Variants in ERCC3 observed in about 807,000 individuals in gnomAD.
ERCC3 encodes ERCC excision repair 3, TFIIH core complex helicase subunit, also known as general transcription and DNA repair factor IIH helicase/translocase subunit XPB.
In ERCC3, 66 loss-of-function variants were observed where a neutral mutation model predicts 94.2. The observed-to-expected ratio is 0.70, with a 90% confidence interval of 0.57 to 0.86. The LOEUF (loss-of-function observed/expected upper bound fraction) is 0.86, where lower values mean the gene tolerates loss of function less well. Ranked by LOEUF, ERCC3 falls within the 40% of genes least tolerant of loss-of-function variation. The pLI is 0.00. For synonymous variants in ERCC3, 349 were observed against 369.1 expected (o/e 0.95, Z 0.63); for missense variants, 829 against 987.1 (o/e 0.84, Z 2.15).
chr2:127,285,774 C>T (rs1331860530), intron 8 of ERCC3, among the ~76,000 whole-genome samples: 1 of 151,796 alleles, frequency 6.6e-6, no homozygotes, highest in Non-Finnish European at 1.5e-5. Flanking sequence ...TCAGTTGAAC[C>T]CTAGAGGCGG....
chr2:127,271,511 C>G lies in ERCC3; in HGVS notation c.1828-58G>C. ...GAGGAAAAAAAAAAAGTCAACTGAT[C>G]CAGAATTTAAATAAGTTCTGTAGAT... On this transcript the variant is annotated intron_variant, in intron 11 of 14. Coordinates refer to ENST00000285398, the MANE Select transcript of ERCC3 (RefSeq NM_000122.2). This position sits in a 1 kb window ranked among gnomAD's most constrained non-coding sequence, Gnocchi z 5.0. 8.8e-7 allele frequency: 1 copy of G among 1,134,716 alleles called. No individual in the cohort carries two copies. The highest frequency in any genetic ancestry group is 1.7e-5 in the Admixed American group (1 of 58,898). The allele number at this position is 1,134,716 out of a possible 1,614,324, so 70.3% of individuals were successfully genotyped here. A position where few individuals can be genotyped will look rare whatever the true frequency, so the allele number is the denominator to read the frequency against.
At chr2:127,289,971 C>T (rs559041182) in intron 4 of ERCC3, 147 bp from the exon 5 acceptor site, 108 of 962,790 alleles carry the variant, frequency 1.1e-4, no homozygotes, top group Non-Finnish European at 1.6e-4. Flanking sequence ...AGCTGCCGGC[C>T]ATGATTTAAC....
chr2:127,292,950 C>T, intron 2 of ERCC3, 104 bp from the exon 3 acceptor site: 1 of 762,610 alleles, frequency 1.3e-6, no homozygotes, highest in South Asian at 1.4e-5. Flanking sequence ...TGCCCAACAC[C>T]ACAGATATTC....
In ERCC3 at chr2:127,271,692, G is replaced by A. The variant is rs1235669829; in HGVS notation, c.1828-239C>T. ...GAGTCATCCTGAAGAATTAATACCA[G>A]GCATCAGTGACATTCAGTGCTGGGT... On this transcript the variant is annotated intron_variant, in intron 11 of 14. Transcript: ENST00000285398. This position sits in a 1 kb window ranked among gnomAD's most constrained non-coding sequence, Gnocchi z 5.0. 6.6e-6 allele frequency among the ~76,000 whole-genome samples: 1 copy of A among 152,160 alleles called. No individual in the cohort carries two copies. The highest frequency in any genetic ancestry group is 1.5e-5 in the Non-Finnish European group (1 of 68,042).
chr2:127,281,896 G>C (rs1401658581), intron 8 of ERCC3, among the ~76,000 whole-genome samples: 1 of 152,126 alleles, frequency 6.6e-6, no homozygotes, highest in Non-Finnish European at 1.5e-5. Flanking sequence ...AGAGGGAAAT[G>C]GTAGTCAAGG....
rs1279196992 is a variant in ERCC3, at chr2:127,289,333, T to C, written c.822+4A>G. 1 of 1,613,696 alleles carries C rather than the reference T, an allele frequency of 6.2e-7. No homozygotes were observed. Among genetic ancestry groups the C allele is most frequent in the Non-Finnish European group, 8.5e-7 (1 of 1,179,860 alleles). On this transcript the variant is annotated splice_donor_region_variant and intron_variant, in intron 6 of 14. Coordinates refer to ENST00000285398, the MANE Select transcript of ERCC3 (RefSeq NM_000122.2). ...GGAACCAGGAGGAAGGTACATTCACTAACCTGCTTGACTTCAAAAGACACT... is the reference window on the plus strand; with the variant it reads ...GGAACCAGGAGGAAGGTACATTCACCAACCTGCTTGACTTCAAAAGACACT...
At position 127,289,753 on chromosome 2, in the gene ERCC3, C is replaced by T. The variant is rs748503195; in HGVS notation, c.593G>A (p.Arg198His). 1.1e-5 allele frequency: 17 copies of T among 1,614,090 alleles called. No individual in the cohort carries two copies. Among genetic ancestry groups the T allele is most frequent in the Non-Finnish European group, 1.4e-5 (16 of 1,179,988 alleles). Residue 198 changes from arginine (R) to histidine (H), a missense_variant, in exon 5 of 15, where the codon CGC becomes CAC. Coordinates refer to ENST00000285398, the MANE Select transcript of ERCC3 (RefSeq NM_000122.2). ...GGCCTCCCCTTCAGAGTTTCTTAAG[C>T]GGCATTCTCGGATCACGGGGTCCTG... ...LLQDPVIREC[R>H]LRNSEGEATE...
At position 127,274,071 on chromosome 2, in the gene ERCC3, T is replaced by A. The variant is rs556703083; in HGVS notation, c.1731-1110A>T. 1.3e-5 allele frequency among the ~76,000 whole-genome samples: 2 copies of A among 150,890 alleles called. No homozygotes were observed. The highest frequency in any genetic ancestry group is 4.2e-4 in the South Asian group (2 of 4,748). ...GCTCACACCTGTAATCCCAGCACTT[T>A]GGGAGGCGGAGGTGGGTGGATCACC... On this transcript the variant is annotated intron_variant, in intron 10 of 14. Transcript: ENST00000285398. The surrounding 1 kb of genome is among the most constrained non-coding windows in gnomAD (Gnocchi z 4.0).
At position 127,288,972 on chromosome 2, in the gene ERCC3, C is replaced by A. The variant is rs4150416; in HGVS notation, c.823-108G>T. 643,546 of 936,498 alleles carry A rather than the reference C, an allele frequency of 0.69. 225,478 individuals are homozygous for A. Among genetic ancestry groups the A allele is most frequent in the East Asian group, 1 (41,648 of 41,722 alleles). The allele number at this position is 936,498 out of a possible 1,614,324, so 58.0% of individuals were successfully genotyped here. On this transcript the variant is annotated intron_variant, in intron 6 of 14. Coordinates refer to ENST00000285398, the MANE Select transcript of ERCC3 (RefSeq NM_000122.2). ...AAAAAGTGGCATTCTATCTAAACTTCTACAAGATTTTAGATCTTGCTCAGT... is the reference window on the plus strand; with the variant it reads ...AAAAAGTGGCATTCTATCTAAACTTATACAAGATTTTAGATCTTGCTCAGT...
intron 6 of ERCC3, 69 bp downstream of exon 6, chr2:127,289,268 G>T: frequency 1.4e-6 from 2 of 1,415,786 alleles, no homozygotes; most frequent in South Asian, 1.2e-5. Flanking sequence ...AGGCAGAGTC[G>T]ACACATGGCT....
chr2:127,259,257 G>C lies in ERCC3; in HGVS notation c.2217+39C>G. 1 of 1,612,712 alleles carries C rather than the reference G, an allele frequency of 6.2e-7. No individual in the cohort carries two copies. The highest frequency in any genetic ancestry group is 2.2e-5 in the East Asian group (1 of 44,862). ...TGTGTCTACAAACGCTGCCCTGTGA[G>C]AGCACTGACACCTGGAACCTCCTCA... On this transcript the variant is annotated intron_variant, in intron 14 of 14. Transcript: ENST00000285398. The surrounding 1 kb of genome is among the most constrained non-coding windows in gnomAD (Gnocchi z 4.9).
Position 127,290,260 on chromosome 2 carries a change from CT to C in ERCC3, c.484del (p.Ser162AlafsTer9). ...IMQFIKLCTV[S>X]YGKVKLVLKH... ...CAAGACCAGCTTGACTTTTCCATAG[CT>C]GACAGTACACAACTGCAAATACAGA... On this transcript the variant is annotated frameshift_variant, in exon 4 of 15. Transcript: ENST00000285398. LOFTEE classifies it high-confidence loss of function. 1.2e-6 allele frequency: 2 copies of C among 1,613,834 alleles called. No homozygotes were observed. Among genetic ancestry groups the C allele is most frequent in the Non-Finnish European group, 1.7e-6 (2 of 1,179,704 alleles).
chr2:127,273,831 AT>A (rs1181459482), intron 10 of ERCC3, among the ~76,000 whole-genome samples: 2 of 150,654 alleles, frequency 1.3e-5, no homozygotes, highest in Non-Finnish European at 2.9e-5. Flanking sequence ...AATGGTTATC[AT>A]CCCATAGCAT....
chr2:127,268,404 G>A (rs564092784), intron 12 of ERCC3, among the ~76,000 whole-genome samples: 23 of 151,936 alleles, frequency 1.5e-4, no homozygotes, highest in African/African-American at 4.3e-4. Flanking sequence ...GACTACAGGC[G>A]CACACCACCA....
Position 127,292,749 on chromosome 2 carries a change from G to T in ERCC3, c.332C>A (p.Thr111Asn). ...AGTTAGTTTGTACTCATGCACATGG[G>T]TTGGTCGGCACACTGGCTCTGCAAT... ...VAIAEPVCRPTHVHEYKLTAY... is the reference protein window; with the variant it reads ...VAIAEPVCRPNHVHEYKLTAY... The change falls in exon 3 of 15, where the codon ACC (threonine) becomes AAC (asparagine). Residue 111 changes from threonine to asparagine, a missense_variant. Coordinates refer to ENST00000285398, the MANE Select transcript of ERCC3 (RefSeq NM_000122.2). 6.2e-7 allele frequency: 1 copy of T among 1,613,972 alleles called. No individual in the cohort carries two copies. Among genetic ancestry groups the T allele is most frequent in the Non-Finnish European group, 8.5e-7 (1 of 1,179,994 alleles).
At position 127,257,486 on chromosome 2, in the gene ERCC3, G is replaced by A. The variant is rs1684046722; in HGVS notation, c.*110C>T. On this transcript the variant is annotated 3_prime_UTR_variant, in exon 15 of 15. Coordinates refer to ENST00000285398, the MANE Select transcript of ERCC3 (RefSeq NM_000122.2). This position sits in a 1 kb window ranked among gnomAD's most constrained non-coding sequence, Gnocchi z 5.4. ...GATGCATCTTCCTCAGCACAATTTGGCCAACGCTGGAGGGAAGGTCAAAGA... is the reference window on the plus strand; with the variant it reads ...GATGCATCTTCCTCAGCACAATTTGACCAACGCTGGAGGGAAGGTCAAAGA... 11 of 1,380,092 alleles carry A rather than the reference G, an allele frequency of 8.0e-6. No homozygotes were observed. Among genetic ancestry groups the A allele is most frequent in the Non-Finnish European group, 1.1e-5 (11 of 969,340 alleles). 85.5% of individuals were successfully genotyped at this position (1,380,092 alleles called of 1,614,324 possible).
chr2:127,293,494 A>C lies in ERCC3; in HGVS notation c.234+19T>G. On this transcript the variant is annotated intron_variant, in intron 2 of 14. Coordinates refer to ENST00000285398, the MANE Select transcript of ERCC3 (RefSeq NM_000122.2). ...CTCCGCACACTCCTGGGCCCTGCCC[A>C]AGCTAAGGGCATGCTTACCACCCAG... 6 of 1,611,530 alleles carry C rather than the reference A, an allele frequency of 3.7e-6. No individual in the cohort carries two copies. The highest frequency in any genetic ancestry group is 5.1e-6 in the Non-Finnish European group (6 of 1,178,006).
chr2:127,264,576 C>T lies in ERCC3; in HGVS notation c.1946-3230G>A, dbSNP rs1684296315. On this transcript the variant is annotated intron_variant, in intron 12 of 14. Transcript: ENST00000285398. The surrounding 1 kb of genome is among the most constrained non-coding windows in gnomAD (Gnocchi z 4.4). ...ATTTCCACATGTTGAACCAACTTTGCATCCCAGAAGTAAAGCCTATTTGAT... is the reference window on the plus strand; with the variant it reads ...ATTTCCACATGTTGAACCAACTTTGTATCCCAGAAGTAAAGCCTATTTGAT... 6.6e-6 allele frequency among the ~76,000 whole-genome samples: 1 copy of T among 152,216 alleles called. No homozygotes were observed. The highest frequency in any genetic ancestry group is 2.4e-5 in the African/African-American group (1 of 41,460).
In ERCC3 at chr2:127,293,696, C is replaced by A. The variant is rs1250842613; in HGVS notation, c.51G>T (p.Arg17=). 1.9e-6 allele frequency: 3 copies of A among 1,613,286 alleles called. No individual in the cohort carries two copies. The highest frequency in any genetic ancestry group is 2.7e-5 in the African/African-American group (2 of 75,068). Residue 17 remains arginine, a synonymous_variant, in exon 2 of 15, where the codon CGG becomes CGT. Transcript: ENST00000285398. ...CATCATCCTCTTCATCCTCATAGTGCCGCTTCCTGGATTTCTTCTTGTCTG... is the reference window on the plus strand; with the variant it reads ...CATCATCCTCTTCATCCTCATAGTGACGCTTCCTGGATTTCTTCTTGTCTG... ...ADRDKKKSRK[R]HYEDEEDDEE...
Sources: allele counts gnomAD v4.1 joint callset (sites outside exome capture counted in the v4.1 genomes callset), GRCh38; gene constraint gnomAD v4.1.1; non-coding constraint Gnocchi (gnomAD v3.1); transcripts MANE v1.5; gene names NCBI Gene and HGNC (gene_info 2026-07-23, HGNC 2026-07-21).